KLRG1: variants seen among roughly 807,000 people sequenced by gnomAD.
KLRG1 encodes killer cell lectin-like receptor subfamily G member 1.
A neutral mutation model predicts 21.8 loss-of-function variants in KLRG1; 16 were observed. The observed-to-expected ratio is 0.73, with a 90% CI of 0.50 to 1.11. The LOEUF (loss-of-function observed/expected upper bound fraction) is 1.11, where lower values mean the gene tolerates loss of function less well. Among genes scored for constraint, KLRG1 ranks in the 50% most tolerant of loss-of-function variants. The pLI, the probability that KLRG1 is intolerant of heterozygous loss-of-function variation, is 0.00. For synonymous variants in KLRG1, 69 were observed against 75.9 expected (o/e 0.91, Z 0.47); for missense variants, 173 against 218.3 (o/e 0.79, Z 1.31).
At chr12:9,027,502 TCTC>T in the KLRG1 span, 2 of 1,086,120 alleles carry the variant, frequency 1.8e-6, no homozygotes, top group Admixed American at 3.6e-5. Context: ...CTGGCTCTCT[TCTC>T]CTGCTAAGCT....
the KLRG1 span, chr12:9,095,230 A>G: frequency 1.9e-6 from 1 of 529,756 alleles, no homozygotes; most frequent in Non-Finnish European, 3.2e-6. Context: ...ATATTTATAT[A>G]CTTAAGGATG....
chr12:9,084,432 C>T, the KLRG1 span, among the ~76,000 whole-genome samples: 8 of 152,056 alleles, frequency 5.3e-5, no homozygotes, highest in African/African-American at 1.7e-4. Flanking sequence ...CTGACATCAA[C>T]GACATAAAAT....
At chr12:9,076,289 C>A in the KLRG1 span, among the ~76,000 whole-genome samples, 1 of 152,190 alleles carries the variant, frequency 6.6e-6, no homozygotes, top group African/African-American at 2.4e-5. Context: ...AAGTGTTTTA[C>A]GTGTACCAAT....
chr12:9,187,519 G>GA, the KLRG1 span, among the ~76,000 whole-genome samples: 1 of 152,100 alleles, frequency 6.6e-6, no homozygotes. Context: ...AATTCAATAA[G>GA]AAGAAAATCA....
chr12:9,202,947 T>G, the KLRG1 span, among the ~76,000 whole-genome samples: 1 of 152,174 alleles, frequency 6.6e-6, no homozygotes, highest in Non-Finnish European at 1.5e-5. Context: ...ACTGAGTATG[T>G]ATATTCTGAA....
the KLRG1 span, among the ~76,000 whole-genome samples, chr12:9,131,254 G>C: frequency 6.6e-6 from 1 of 152,046 alleles, no homozygotes; most frequent in Non-Finnish European, 1.5e-5. Context: ...AGTTGTTTTG[G>C]CTATTTCAGA....
chr12:9,079,309 G>A, the KLRG1 span: 1 of 1,613,736 alleles, frequency 6.2e-7, no homozygotes, highest in South Asian at 1.1e-5. Flanking sequence ...CATAGTGTTT[G>A]TAGTTCAACT....
At chr12:9,070,389 G>T in the KLRG1 span, 3 of 813,504 alleles carry the variant, frequency 3.7e-6, no homozygotes, top group Admixed American at 4.6e-5. Context: ...CTTTGATAGA[G>T]ATTGACTTTA....
chr12:9,052,242 T>G, the KLRG1 span, among the ~76,000 whole-genome samples: 1 of 152,326 alleles, frequency 6.6e-6, no homozygotes, highest in Middle Eastern at 3.4e-3. Context: ...ACTGAGAGGC[T>G]CTTTTCTTTC....
At chr12:9,079,560 A>G in the KLRG1 span, 19 of 1,360,408 alleles carry the variant, frequency 1.4e-5, no homozygotes, top group Non-Finnish European at 1.9e-5. Context: ...GTATCATAAT[A>G]TTCATAAGTA....
the KLRG1 span, among the ~76,000 whole-genome samples, chr12:9,145,187 G>C: frequency 6.6e-6 from 1 of 152,002 alleles, no homozygotes; most frequent in African/African-American, 2.4e-5. Flanking sequence ...TTGTTGATAG[G>C]GGAAGATTTA....
At chr12:9,011,158 T>A (rs1315343384), downstream of KLRG1, among the ~76,000 whole-genome samples, 1 of 152,192 alleles carries the variant, frequency 6.6e-6, no homozygotes, top group Non-Finnish European at 1.5e-5. Flanking sequence ...AGGCAGGATG[T>A]GTGCAGACCT....
At chr12:8,979,103 C>T (rs1565541436) in intron 1 of KLRG1, among the ~76,000 whole-genome samples, 1 of 151,120 alleles carries the variant, frequency 6.6e-6, no homozygotes, top group African/African-American at 2.4e-5. Context: ...CAGCCTGTGC[C>T]TCCTGGATTC....
At chr12:9,200,361 C>T in the KLRG1 span, 3 of 1,582,846 alleles carry the variant, frequency 1.9e-6, no homozygotes, top group Admixed American at 3.4e-5. Flanking sequence ...CAATGTAACT[C>T]ACTCTCCACA....
At chr12:9,152,554 G>T in the KLRG1 span, among the ~76,000 whole-genome samples, 1 of 152,230 alleles carries the variant, frequency 6.6e-6, no homozygotes, top group African/African-American at 2.4e-5. Context: ...AAAATCTTTG[G>T]TAGTGAATCT....
the KLRG1 span, among the ~76,000 whole-genome samples, chr12:9,062,914 T>C: frequency 6.6e-6 from 1 of 151,842 alleles, no homozygotes; most frequent in African/African-American, 2.4e-5. Context: ...TACTAACGGC[T>C]TAGGGTAAAA....
intron 1 of KLRG1, among the ~76,000 whole-genome samples, chr12:8,968,055 A>G (rs533102804): frequency 3.9e-5 from 6 of 152,184 alleles, no homozygotes; most frequent in Non-Finnish European, 8.8e-5. Context: ...AGAATCATGA[A>G]AGACATTCGG....
At chr12:9,106,215 G>A in the KLRG1 span, 1 of 1,462,250 alleles carries the variant, frequency 6.8e-7, no homozygotes, top group Non-Finnish European at 9.6e-7. Flanking sequence ...GGGTTGATGA[G>A]TGAACTGGAA....
the KLRG1 span, among the ~76,000 whole-genome samples, chr12:9,114,850 C>A: frequency 6.6e-6 from 1 of 151,844 alleles, no homozygotes. Flanking sequence ...GAGCTATGTT[C>A]AAAAATACTT....
Sources: gnomAD v4.1 joint callset for allele counts (sites outside exome capture counted in the v4.1 genomes callset) on GRCh38, gnomAD v4.1.1 for gene constraint, MANE v1.5 for transcripts, NCBI Gene and HGNC (gene_info 2026-07-23, HGNC 2026-07-21) for gene names.